Variants in MBOAT2 observed in about 807,000 individuals in gnomAD.
The protein encoded by MBOAT2 is membrane-bound glycerophospholipid O-acyltransferase 2.
A neutral mutation model predicts 63.4 loss-of-function variants in MBOAT2; 28 were observed. The ratio of observed to expected loss-of-function variants is 0.44; its 90% CI spans 0.33 to 0.61. The LOEUF is 0.61. MBOAT2 is among the 20% of genes least tolerant of loss of function. The pLI is 0.03. For missense variants in MBOAT2, 470 were observed against 605.8 expected (o/e 0.78, Z 2.35); for synonymous variants, 211 against 215.6 (o/e 0.98, Z 0.19).
chr2:8,965,487 T>C (rs1199282616), intron 1 of MBOAT2, among the ~76,000 whole-genome samples: 1 of 152,216 alleles, frequency 6.6e-6, no homozygotes. Flanking sequence ...GAACCTGATC[T>C]TATCATTTTT....
At chr2:8,999,426 G>A (rs892338392) in intron 1 of MBOAT2, among the ~76,000 whole-genome samples, 9 of 152,296 alleles carry the variant, frequency 5.9e-5, no homozygotes, top group African/African-American at 1.9e-4. Context: ...TTTGGTAACC[G>A]GGAGTTAGGC....
chr2:8,886,347 T>C (rs1290968171), intron 5 of MBOAT2, among the ~76,000 whole-genome samples: 1 of 152,240 alleles, frequency 6.6e-6, no homozygotes, highest in African/African-American at 2.4e-5. Context: ...CTGTAATAAA[T>C]GTTAGCCTTG....
chr2:8,938,613 CTGCCACGTTTCA>C (rs1441518361), intron 3 of MBOAT2, among the ~76,000 whole-genome samples: 1 of 152,010 alleles, frequency 6.6e-6, no homozygotes, highest in African/African-American at 2.4e-5. Flanking sequence ...GTGTTTCATG[CTGCCACGTTTCA>C]TGCCACCGTC....
chr2:8,987,404 C>A (rs1345826381), intron 1 of MBOAT2, among the ~76,000 whole-genome samples: 2 of 152,156 alleles, frequency 1.3e-5, no homozygotes, highest in Non-Finnish European at 2.9e-5. Flanking sequence ...CAAAATTGGT[C>A]AAACTGCACA....
intron 1 of MBOAT2, among the ~76,000 whole-genome samples, chr2:8,975,331 C>T (rs1167400767): frequency 6.6e-6 from 1 of 152,034 alleles, no homozygotes; most frequent in Non-Finnish European, 1.5e-5. Context: ...AATTTCTGTA[C>T]GTGCTTATAT....
At chr2:8,916,472 C>T (rs956362462) in intron 3 of MBOAT2, among the ~76,000 whole-genome samples, 4 of 152,260 alleles carry the variant, frequency 2.6e-5, no homozygotes, top group East Asian at 1.9e-4. Flanking sequence ...TGTTCACTTA[C>T]GTGTTGGATA....
chr2:8,882,871 C>T (rs1202830184), intron 5 of MBOAT2, among the ~76,000 whole-genome samples: 3 of 152,106 alleles, frequency 2.0e-5, no homozygotes, highest in Admixed American at 6.5e-5. Context: ...TATGACTTTT[C>T]GAAAAGGGGC....
chr2:8,878,607 G>A lies in MBOAT2; in HGVS notation c.507-1394C>T, dbSNP rs145985028. Among the ~76,000 whole-genome samples the A allele has an allele frequency of 4.3e-4, 66 of 152,288 alleles. 1 individual carries two copies. In the East Asian group the frequency reaches 0.011, roughly 26 times the overall value. On this transcript the variant is annotated intron_variant, in intron 6 of 12. Transcript: ENST00000305997. ...AGCAATCCTTCTGCCTTGGCCTCCT[G>A]AGTAGCTGGGATGACAAGCACACAC... is the stretch of plus-strand genomic sequence containing the variant.
chr2:8,893,804 G>C (rs1047986296), intron 4 of MBOAT2, among the ~76,000 whole-genome samples: 2 of 152,200 alleles, frequency 1.3e-5, no homozygotes, highest in African/African-American at 2.4e-5. Context: ...GACTGCAGAA[G>C]TTTGGACATG....
intron 4 of MBOAT2, among the ~76,000 whole-genome samples, chr2:8,895,404 C>T (rs996542028): frequency 1.8e-4 from 28 of 152,200 alleles, no homozygotes; most frequent in African/African-American, 6.5e-4. Context: ...GTTTACAATC[C>T]TTTAGCTAGA....
At chr2:8,891,191 C>A (rs1037138260) in intron 4 of MBOAT2, among the ~76,000 whole-genome samples, 3 of 152,236 alleles carry the variant, frequency 2.0e-5, no homozygotes, top group East Asian at 3.8e-4. Context: ...TGGTCCAACC[C>A]ATCAGCCGGT....
chr2:8,900,363 C>T (rs1008299318), intron 4 of MBOAT2, among the ~76,000 whole-genome samples: 3 of 152,220 alleles, frequency 2.0e-5, no homozygotes, highest in Admixed American at 6.5e-5. Flanking sequence ...AGGGTTTGAT[C>T]TAATAATAGC....
intron 3 of MBOAT2, among the ~76,000 whole-genome samples, chr2:8,915,240 G>T (rs915849636): frequency 1.3e-5 from 2 of 152,048 alleles, no homozygotes; most frequent in South Asian, 4.1e-4. Flanking sequence ...TGCCCAGCCG[G>T]AAAGTTTTAA....
rs1660860371 is a variant in MBOAT2 at position 8,852,971 on chromosome 2, A to G, written c.*5708T>C. ...ATATTTTGGAATAATAAAAACAGAA[A>G]GCACAGAACACCACATTCTATTCTC... On this transcript the variant is annotated 3_prime_UTR_variant, in exon 13 of 13. Transcript: ENST00000305997. 1 of 152,246 alleles carries G rather than the reference A, an allele frequency of 6.6e-6. No individual in the cohort carries two copies. The highest frequency in any genetic ancestry group is 6.5e-5 in the Admixed American group (1 of 15,286). 9.4% of individuals were successfully genotyped at this position (152,246 alleles called of 1,614,324 possible).
rs1257613576 is a variant in MBOAT2, at chr2:8,877,048, T to C, written c.672A>G (p.Arg224=). The change falls in exon 7 of 13, where the codon AGA becomes AGG. Residue 224 remains arginine, a synonymous_variant. Coordinates refer to ENST00000305997, the MANE Select transcript of MBOAT2 (RefSeq NM_138799.4). ...ACCTTACATTTGGAGATGGCTCTGT[T>C]CTTTCATACTGTGTCTCTTCTTTTC... ...ENGKEETQYE[R]TEPSPNTAVV... The C allele has an allele frequency of 6.2e-7, 1 of 1,611,404 alleles. No homozygotes were observed. Among genetic ancestry groups the C allele is most frequent in the East Asian group, 2.2e-5 (1 of 44,768 alleles).
intron 4 of MBOAT2, among the ~76,000 whole-genome samples, chr2:8,898,742 G>A (rs1664683423): frequency 6.6e-6 from 1 of 152,242 alleles, no homozygotes; most frequent in Non-Finnish European, 1.5e-5. Context: ...TGGTCTGTGG[G>A]ATCCTCAAAG....
intron 11 of MBOAT2, among the ~76,000 whole-genome samples, chr2:8,861,755 C>T (rs1372379061): frequency 6.6e-6 from 1 of 152,170 alleles, no homozygotes; most frequent in African/African-American, 2.4e-5. Context: ...AACACCTATG[C>T]TACTTAGTAT....
intron 2 of MBOAT2, among the ~76,000 whole-genome samples, chr2:8,950,491 G>A (rs549294442): frequency 6.6e-5 from 10 of 152,202 alleles, no homozygotes; most frequent in African/African-American, 1.7e-4. Context: ...GCAGTGGCGC[G>A]ATCTCAGCTC....
chr2:8,896,089 A>G (rs1013841289), intron 4 of MBOAT2, among the ~76,000 whole-genome samples: 1 of 152,014 alleles, frequency 6.6e-6, no homozygotes, highest in Non-Finnish European at 1.5e-5. Context: ...TGCAAAAAAA[A>G]TTATCCAGGC....
Sources: gnomAD v4.1 joint callset for allele counts (sites outside exome capture counted in the v4.1 genomes callset) on GRCh38, gnomAD v4.1.1 for gene constraint, MANE v1.5 for transcripts, NCBI Gene and HGNC (gene_info 2026-07-23, HGNC 2026-07-21) for gene names.